The following SCAMP5 variants were observed in gnomAD, a reference collection of about 807,000 sequenced individuals.
SCAMP5 encodes secretory carrier membrane protein 5, also known as secretory carrier-associated membrane protein 5.
Under a neutral mutation model 28.3 loss-of-function variants are expected in SCAMP5, and 7 were observed. The ratio of observed to expected loss-of-function variants is 0.25; its 90% CI spans 0.14 to 0.46. The LOEUF (loss-of-function observed/expected upper bound fraction) is 0.46, where lower values mean the gene tolerates loss of function less well. Among genes scored for constraint, SCAMP5 ranks in the 20% least tolerant of loss-of-function variants. SCAMP5 has a pLI of 0.99. For missense variants in SCAMP5, 192 were observed against 312.5 expected (o/e 0.61, Z 2.91); for synonymous variants, 117 against 116.4 (o/e 1.00, Z -0.03).
chr15:75,013,583 C>T (rs1349278845), intron 3 of SCAMP5, among the ~76,000 whole-genome samples: 2 of 152,040 alleles, frequency 1.3e-5, no homozygotes, highest in Non-Finnish European at 2.9e-5. Flanking sequence ...ACTTGTAGTC[C>T]CAGCTATTCA....
In SCAMP5 at chr15:75,019,317, C is replaced by T. The variant is rs1206831602; in HGVS notation, c.*334C>T. ...AGAGCTAAACCAGCCCCCACCCCCA[C>T]CCTCCACCTGCCCCTCTTGCCTCTG... is the stretch of plus-strand genomic sequence containing the variant. On this transcript the variant is annotated 3_prime_UTR_variant, in exon 7 of 7. Coordinates refer to ENST00000425597, the MANE Select transcript of SCAMP5 (RefSeq NM_138967.4). The T allele has an allele frequency of 6.0e-6, 1 of 166,256 alleles. No homozygotes were observed. The highest frequency in any genetic ancestry group is 1.3e-5 in the Non-Finnish European group (1 of 77,590). 10.3% of individuals were successfully genotyped at this position (166,256 alleles called of 1,614,324 possible).
intron 1 of SCAMP5, among the ~76,000 whole-genome samples, chr15:74,998,441 A>G (rs1358588551): frequency 6.6e-6 from 1 of 152,102 alleles, no homozygotes; most frequent in African/African-American, 2.4e-5. Context: ...CCGTGTCTCT[A>G]GTAAAAATAC....
At chr15:75,007,303 C>T (rs1485974612) in intron 1 of SCAMP5, among the ~76,000 whole-genome samples, 1 of 152,206 alleles carries the variant, frequency 6.6e-6, no homozygotes, top group Admixed American at 6.5e-5. Context: ...TTGCCCTCTC[C>T]TGTAGTATAC....
At chr15:74,999,385 C>T (rs1017555746) in intron 1 of SCAMP5, among the ~76,000 whole-genome samples, 1 of 152,166 alleles carries the variant, frequency 6.6e-6, no homozygotes, top group Non-Finnish European at 1.5e-5. Flanking sequence ...AAACCCCTCT[C>T]CTCATTCCCA....
chr15:75,014,369 T>G (rs1001597803), intron 3 of SCAMP5, among the ~76,000 whole-genome samples: 2 of 151,684 alleles, frequency 1.3e-5, no homozygotes, highest in Non-Finnish European at 2.9e-5. Context: ...AATGAAGAAG[T>G]TACCTCTGAT....
intron 1 of SCAMP5, among the ~76,000 whole-genome samples, chr15:75,010,276 C>G (rs1486585087): frequency 6.6e-6 from 1 of 152,136 alleles, no homozygotes; most frequent in Admixed American, 6.6e-5. Context: ...ATGTCCCTAG[C>G]ACAGCTGCTC....
At chr15:75,017,618 C>T (rs939444155) in intron 4 of SCAMP5, 16 of 579,870 alleles carry the variant, frequency 2.8e-5, no homozygotes, top group Admixed American at 9.5e-5. Flanking sequence ...CCAATGAGGC[C>T]GTCCATCCAT....
chr15:74,998,618 A>AT (rs1365153152), intron 1 of SCAMP5, among the ~76,000 whole-genome samples: 3 of 151,862 alleles, frequency 2.0e-5, no homozygotes, highest in African/African-American at 7.3e-5. Context: ...AAAAAAAAAA[A>AT]AAAAGAACTT....
chr15:75,010,123 T>C (rs1351310869), intron 1 of SCAMP5, among the ~76,000 whole-genome samples: 1 of 152,176 alleles, frequency 6.6e-6, no homozygotes, highest in East Asian at 1.9e-4. Context: ...TGCTGCTTGG[T>C]TTCCTTGGCC....
intron 1 of SCAMP5, among the ~76,000 whole-genome samples, chr15:74,998,334 G>A (rs769361899): frequency 2.6e-5 from 4 of 152,158 alleles, no homozygotes; most frequent in Non-Finnish European, 5.9e-5. Flanking sequence ...TGGCCGGCGC[G>A]GTGGCTCATG....
At position 75,019,200 on chromosome 15, in the gene SCAMP5, C is replaced by T. The variant is rs1420415983; in HGVS notation, c.*217C>T. The T allele has an allele frequency of 5.4e-6, 2 of 369,878 alleles. No individual in the cohort carries two copies. Among genetic ancestry groups the T allele is most frequent in the East Asian group, 4.4e-5 (1 of 22,702 alleles). The allele number at this position is 369,878 out of a possible 1,614,324, so 22.9% of individuals were successfully genotyped here. A position where few individuals can be genotyped will look rare whatever the true frequency, so the allele number is the denominator to read the frequency against. On this transcript the variant is annotated 3_prime_UTR_variant, in exon 7 of 7. Coordinates refer to ENST00000425597, the MANE Select transcript of SCAMP5 (RefSeq NM_138967.4). The stretch of plus-strand genomic sequence containing the variant: ...TCTTGGCACTCAGCTGTGGGCTGCA[C>T]GTGGAGCTGTCCCGTGCGGTAGTAG...
chr15:75,018,767 C>T lies in SCAMP5; in HGVS notation c.514-22C>T, dbSNP rs146792062. ...TGCCTTTTCTCTTTGATTAACCCTT[C>T]TTTACGCTCTTTTTCCTACAGGTTC... On this transcript the variant is annotated intron_variant, in intron 6 of 6. Coordinates refer to ENST00000425597, the MANE Select transcript of SCAMP5 (RefSeq NM_138967.4). This position sits in a 1 kb window ranked among gnomAD's most constrained non-coding sequence, Gnocchi z 5.6. 9.1e-4 allele frequency: 1,450 copies of T among 1,585,800 alleles called. 2 individuals are homozygous for T. Among genetic ancestry groups the T allele is most frequent in the Middle Eastern group, 1.7e-3 (10 of 5,966 alleles).
At chr15:75,009,162 AG>A (rs754331681) in intron 1 of SCAMP5, among the ~76,000 whole-genome samples, 7 of 152,316 alleles carry the variant, frequency 4.6e-5, no homozygotes, top group Non-Finnish European at 7.3e-5. Flanking sequence ...TTTTAAAAAT[AG>A]CTGCGGAACA....
intron 1 of SCAMP5, among the ~76,000 whole-genome samples, chr15:75,010,799 G>A (rs1381424563): frequency 6.6e-6 from 1 of 151,424 alleles, no homozygotes; most frequent in African/African-American, 2.4e-5. Flanking sequence ...AAAATGTGAA[G>A]CTCCTTCCTA....
Position 75,019,010 on chromosome 15 carries a change from G to A in SCAMP5, c.*27G>A, listed in dbSNP as rs2065883607. On this transcript the variant is annotated 3_prime_UTR_variant, in exon 7 of 7. Coordinates refer to ENST00000425597, the MANE Select transcript of SCAMP5 (RefSeq NM_138967.4). ...CCAGCCACGCCTACCAGGTGGCAGAGCTGGGGCCATTGGGACAGGGGGCTC... is the reference window on the plus strand; with the variant it reads ...CCAGCCACGCCTACCAGGTGGCAGAACTGGGGCCATTGGGACAGGGGGCTC... 1.0e-5 allele frequency: 15 copies of A among 1,461,234 alleles called. No homozygotes were observed. The highest frequency in any genetic ancestry group is 1.4e-5 in the Non-Finnish European group (15 of 1,100,978). 90.5% of individuals were successfully genotyped at this position (1,461,234 alleles called of 1,614,324 possible). A position where few individuals can be genotyped will look rare whatever the true frequency, so the allele number is the denominator to read the frequency against.
At chr15:75,004,310 C>G (rs1388541726) in intron 1 of SCAMP5, among the ~76,000 whole-genome samples, 1 of 152,210 alleles carries the variant, frequency 6.6e-6, no homozygotes, top group Non-Finnish European at 1.5e-5. Context: ...GCTGAGACTA[C>G]AGGCACACAC....
At chr15:75,006,227 G>A (rs903503629) in intron 1 of SCAMP5, among the ~76,000 whole-genome samples, 2 of 151,514 alleles carry the variant, frequency 1.3e-5, no homozygotes, top group Admixed American at 6.6e-5. Flanking sequence ...TCGAACTCCT[G>A]ACCTTGTGAT....
intron 3 of SCAMP5, among the ~76,000 whole-genome samples, chr15:75,015,925 C>CAAAA (rs71308031): frequency 1.3e-4 from 8 of 62,992 alleles, no homozygotes; most frequent in East Asian, 4.1e-4. Flanking sequence ...AATTCCATCT[C>CAAAA]AAAAAAAAAA....
At chr15:75,013,139 T>A in intron 3 of SCAMP5, 1 of 245,922 alleles carries the variant, frequency 4.1e-6, no homozygotes, top group Non-Finnish European at 7.9e-6. Context: ...TCCACTGGAG[T>A]AACTTTCCAG....
Sources: gnomAD v4.1 joint callset for allele counts (sites outside exome capture counted in the v4.1 genomes callset) on GRCh38, gnomAD v4.1.1 for gene constraint, Gnocchi (gnomAD v3.1) non-coding constraint, MANE v1.5 for transcripts, NCBI Gene and HGNC (gene_info 2026-07-23, HGNC 2026-07-21) for gene names.